Variants in CAMK1G observed in about 807,000 individuals in gnomAD.
The protein encoded by CAMK1G is calcium/calmodulin-dependent protein kinase type 1G.
Under a neutral mutation model 54.8 loss-of-function variants are expected in CAMK1G, and 27 were observed. The observed-to-expected ratio is 0.49, with a 90% CI of 0.36 to 0.68. The LOEUF is 0.68. CAMK1G is among the 30% of genes least tolerant of loss of function. The probability of loss-of-function intolerance (pLI) is 0.00; values close to 1 mark genes in which losing one functional copy is unlikely to be tolerated. For missense variants in CAMK1G, 512 were observed against 591.0 expected, an observed-to-expected ratio of 0.87 and a Z score of 1.39; for synonymous variants, 238 against 224.9, an observed-to-expected ratio of 1.06 and a Z score of -0.52.
At chr1:209,593,943 C>T (rs1034127078) in intron 1 of CAMK1G, among the ~76,000 whole-genome samples, 6 of 152,174 alleles carry the variant, frequency 3.9e-5, no homozygotes, top group Non-Finnish European at 8.8e-5. Flanking sequence ...CTCACCACCC[C>T]CCACCATACG....
intron 3 of CAMK1G, 29 bp from the exon 4 acceptor site, chr1:209,603,185 C>A: frequency 1.2e-6 from 2 of 1,612,684 alleles, no homozygotes; most frequent in African/African-American, 1.3e-5. Flanking sequence ...GAACCACATA[C>A]CTTTCATCAT....
chr1:209,611,708 GA>G, intron 10 of CAMK1G, 83 bp from the exon 11 acceptor site: 1 of 1,541,996 alleles, frequency 6.5e-7, no homozygotes, highest in Middle Eastern at 1.9e-4. Flanking sequence ...CAGGTTTCAA[GA>G]GGCCACAAGG....
chr1:209,605,044 G>A (rs1401875031), intron 4 of CAMK1G, among the ~76,000 whole-genome samples: 1 of 152,104 alleles, frequency 6.6e-6, no homozygotes, highest in Admixed American at 6.5e-5. Context: ...CACCCCTAAA[G>A]CCCTACCTGT....
intron 2 of CAMK1G, among the ~76,000 whole-genome samples, chr1:209,595,621 C>G (rs1379097743): frequency 6.6e-6 from 1 of 152,104 alleles, no homozygotes; most frequent in East Asian, 1.9e-4. Flanking sequence ...AGTCTCCTCC[C>G]CCAGCATCTT....
At chr1:209,587,097 G>T (rs1048596834) in intron 1 of CAMK1G, among the ~76,000 whole-genome samples, 15 of 152,034 alleles carry the variant, frequency 9.9e-5, no homozygotes, top group Middle Eastern at 3.2e-3. Context: ...GAAATGGAGT[G>T]GGTGGTCCTT....
chr1:209,595,005 G>A lies in CAMK1G; in HGVS notation c.22G>A (p.Asp8Asn), dbSNP rs1314604551. 2 of 1,613,930 alleles carry A rather than the reference G, an allele frequency of 1.2e-6. No homozygotes were observed. Among genetic ancestry groups the A allele is most frequent in the Non-Finnish European group, 1.7e-6 (2 of 1,179,998 alleles). ...GGCAATGGGTCGAAAGGAAGAAGAT[G>A]ACTGCAGTTCCTGGAAGAAACAGAC... The part of the protein sequence containing the change: MGRKEED[D>N]CSSWKKQTTN... Residue 8 changes from aspartate to asparagine, a missense_variant, in exon 2 of 13, where the codon GAC becomes AAC. Asp to Asn is a conservative substitution (Grantham distance 23). Transcript: ENST00000361322.
intron 6 of CAMK1G, among the ~76,000 whole-genome samples, chr1:209,606,650 C>T (rs750952802): frequency 1.4e-4 from 22 of 152,284 alleles, no homozygotes; most frequent in South Asian, 8.3e-4. Context: ...TTTTAAAGAC[C>T]GCCTACCCCT....
At chr1:209,607,958 A>G in intron 7 of CAMK1G, 25 bp downstream of exon 7, 1 of 1,581,800 alleles carries the variant, frequency 6.3e-7, no homozygotes, top group Non-Finnish European at 8.7e-7. Flanking sequence ...GCCTGGGTTC[A>G]GCTGATGAGA....
At chr1:209,607,717 C>T (rs986139868) in intron 6 of CAMK1G, 141 bp from the exon 7 acceptor site, 3 of 661,818 alleles carry the variant, frequency 4.5e-6, no homozygotes, top group East Asian at 2.6e-5. Context: ...AGCCCCTACC[C>T]TTAGGGAGTT....
chr1:209,611,407 T>A, intron 9 of CAMK1G, 58 bp from the exon 10 acceptor site: 44 of 1,524,764 alleles, frequency 2.9e-5, no homozygotes, highest in Non-Finnish European at 4.0e-5. Flanking sequence ...CCCTGCCCAC[T>A]CCCTGGATGA....
In CAMK1G at chr1:209,595,086, G is replaced by T; in HGVS notation, c.92+11G>T. 6.2e-7 allele frequency: 1 copy of T among 1,608,190 alleles called. No individual in the cohort carries two copies. Among genetic ancestry groups the T allele is most frequent in the Non-Finnish European group, 8.5e-7 (1 of 1,174,804 alleles). On this transcript the variant is annotated intron_variant, in intron 2 of 12. Transcript: ENST00000361322. The stretch of plus-strand genomic sequence containing the variant: ...GGAAGTGCTGGGATCGTAAGTCCTG[G>T]GGCTGTGAGGTCGGGTGGGCTGGGC...
At chr1:209,587,937 C>T (rs936173545) in intron 1 of CAMK1G, among the ~76,000 whole-genome samples, 2 of 152,168 alleles carry the variant, frequency 1.3e-5, no homozygotes, top group South Asian at 4.1e-4. Flanking sequence ...CAACTGATAA[C>T]CTCCCTCCCA....
intron 6 of CAMK1G, among the ~76,000 whole-genome samples, chr1:209,607,312 CTCTA>C (rs1272333929): frequency 3.3e-5 from 5 of 152,204 alleles, no homozygotes; most frequent in African/African-American, 9.7e-5. Flanking sequence ...TCTGAAAGCT[CTCTA>C]TCTGATGGGA....
chr1:209,611,915 A>G lies in CAMK1G; in HGVS notation c.1039A>G (p.Arg347Gly), dbSNP rs769462883. The change falls in exon 11 of 13, where the codon AGA (arginine) becomes GGA (glycine). Residue 347 changes from arginine to glycine, a missense_variant. This residue lies in a region of CAMK1G where 315 missense variants were observed against 330.5 expected (regional missense o/e 0.95). Coordinates refer to ENST00000361322, the MANE Select transcript of CAMK1G (RefSeq NM_020439.3). ...TGAAACTCAAGCCTCAGAAACCTCT[A>G]GACCCAGCTCCCCTGAGATCACCAT... is the stretch of plus-strand genomic sequence containing the variant. ...PPETQASETS[R>G]PSSPEITITE... The G allele has an allele frequency of 4.6e-5, 75 of 1,614,264 alleles. No individual in the cohort carries two copies. The South Asian group carries it at 5.6e-4, about 12-fold the overall frequency.
chr1:209,604,815 C>T (rs1028933301), intron 4 of CAMK1G, among the ~76,000 whole-genome samples: 8 of 152,090 alleles, frequency 5.3e-5, no homozygotes, highest in African/African-American at 1.9e-4. Context: ...GTAGAAATGA[C>T]AGGGCATCAG....
chr1:209,610,832 G>T (rs1316196231), intron 9 of CAMK1G, among the ~76,000 whole-genome samples: 2 of 152,146 alleles, frequency 1.3e-5, no homozygotes, highest in Non-Finnish European at 2.9e-5. Flanking sequence ...ACTTCTCGAG[G>T]TCTATTAGTA....
intron 1 of CAMK1G, among the ~76,000 whole-genome samples, chr1:209,584,750 G>T (rs927933225): frequency 6.6e-6 from 1 of 152,078 alleles, no homozygotes; most frequent in African/African-American, 2.4e-5. Flanking sequence ...AGCAGATTCC[G>T]CCTTAGGTAA....
chr1:209,611,622 CAT>C, intron 10 of CAMK1G, 70 bp downstream of exon 10: 1 of 1,507,556 alleles, frequency 6.6e-7, no homozygotes, highest in Non-Finnish European at 9.1e-7. Flanking sequence ...CAGGGGCTGA[CAT>C]AAGGGCTTTC....
chr1:209,587,256 G>T (rs1245320145), intron 1 of CAMK1G, among the ~76,000 whole-genome samples: 1 of 151,792 alleles, frequency 6.6e-6, no homozygotes, highest in Non-Finnish European at 1.5e-5. Flanking sequence ...ACCACAAGGA[G>T]GGTGAAACTG....
Sources: gnomAD v4.1 joint callset for allele counts (sites outside exome capture counted in the v4.1 genomes callset) on GRCh38, gnomAD v4.1.1 for gene constraint, gnomAD v4.1.1 regional missense constraint, MANE v1.5 for transcripts, NCBI Gene and HGNC (gene_info 2026-07-23, HGNC 2026-07-21) for gene names.